Variants in CACNA1I observed in about 807,000 individuals in gnomAD.
CACNA1I encodes the protein calcium voltage-gated channel subunit alpha1 I, also known as voltage-dependent T-type calcium channel subunit alpha-1I.
Under a neutral mutation model 201.6 loss-of-function variants are expected in CACNA1I, and 74 were observed. That is an observed-to-expected ratio of 0.37 (90% CI 0.30 to 0.45). The LOEUF (loss-of-function observed/expected upper bound fraction) is 0.45. Among genes scored for constraint, CACNA1I ranks in the 20% least tolerant of loss-of-function variants. CACNA1I has a pLI of 1.00. For missense variants in CACNA1I, 2,346 were observed against 3,138.1 expected (o/e 0.75, Z 6.03); for synonymous variants, 1,431 against 1,345.2 (o/e 1.06, Z -1.40).
intron 1 of CACNA1I, among the ~76,000 whole-genome samples, chr22:39,596,655 G>A (rs9611202): frequency 0.41 from 61,706 of 151,492 alleles, 13,342 homozygotes; most frequent in Non-Finnish European, 0.48. Context: ...TTTTGTGCTG[G>A]GGAGGGAGGT....
Position 39,649,423 on chromosome 22 carries a change from C to T in CACNA1I, c.1568-78C>T, listed in dbSNP as rs781518446. 8.0e-6 allele frequency: 11 copies of T among 1,370,488 alleles called. No homozygotes were observed. The highest frequency in any genetic ancestry group is 9.7e-6 in the Non-Finnish European group (10 of 1,030,174). 84.9% of individuals were successfully genotyped at this position (1,370,488 alleles called of 1,614,324 possible). A position where few individuals can be genotyped will look rare whatever the true frequency, so the allele number is the denominator to read the frequency against. ...CAGACCTGTGGGCCTGGGAGCCAAG[C>T]GCACTCAGGGATGTGTCCCAGGGTG... On this transcript the variant is annotated intron_variant, in intron 9 of 36. Transcript: ENST00000402142. This position sits in a 1 kb window ranked among gnomAD's most constrained non-coding sequence, Gnocchi z 7.3.
chr22:39,613,783 G>A (rs1885027483), intron 3 of CACNA1I, among the ~76,000 whole-genome samples: 1 of 152,236 alleles, frequency 6.6e-6, no homozygotes, highest in Admixed American at 6.5e-5. Context: ...GGGAGAGGGG[G>A]CAGGTCACAC....
chr22:39,612,427 G>A (rs1054454720), intron 3 of CACNA1I, among the ~76,000 whole-genome samples: 7 of 152,078 alleles, frequency 4.6e-5, no homozygotes, highest in East Asian at 1.9e-4. Context: ...ACCATAAACC[G>A]GGTGCCTCAT....
rs373997359 is a variant in CACNA1I at position 39,591,493 on chromosome 22, G to A, written c.237-6658G>A. ...GGATTCTTTACAAAAGGCTGTGGGC[G>A]AAGATTCAGTATGCTGCAGGACAGA... On this transcript the variant is annotated intron_variant, in intron 1 of 36. Coordinates refer to ENST00000402142, the MANE Select transcript of CACNA1I (RefSeq NM_021096.4). 1.6e-4 allele frequency among the ~76,000 whole-genome samples: 25 copies of A among 152,108 alleles called. 1 individual carries two copies. The highest frequency in any genetic ancestry group is 5.8e-4 in the African/African-American group (24 of 41,484).
In CACNA1I at chr22:39,663,801, C is replaced by T; in HGVS notation, c.3557C>T (p.Thr1186Ile). ...VLAFIFLNCI[T>I]IALERPQIEA... ...GCCTTCATCTTTCTCAACTGCATCA[C>T]CATCGCCCTGGAGCGGCCTCAGATC... is the stretch of plus-strand genomic sequence containing the variant. The change falls in exon 19 of 37, where the codon ACC becomes ATC. Residue 1186 changes from threonine to isoleucine, a missense_variant. Physicochemically the swap from Thr to Ile is moderately conservative, Grantham distance 89 (BLOSUM62 -1). This residue lies in a region of CACNA1I where 158 missense variants were observed against 231.6 expected (regional missense o/e 0.68). Transcript: ENST00000402142. 6.2e-7 allele frequency: 1 copy of T among 1,612,922 alleles called. No homozygotes were observed. Among genetic ancestry groups the T allele is most frequent in the South Asian group, 1.1e-5 (1 of 91,070 alleles).
chr22:39,678,916 T>C (rs1208991999), intron 31 of CACNA1I, among the ~76,000 whole-genome samples, 191 bp from the exon 32 acceptor site: 1 of 152,094 alleles, frequency 6.6e-6, no homozygotes, highest in African/African-American at 2.4e-5. Flanking sequence ...CGTCTGTCCA[T>C]GCGGGGACTT....
At chr22:39,650,952 A>G (rs538066554) in intron 10 of CACNA1I, among the ~76,000 whole-genome samples, 2 of 152,156 alleles carry the variant, frequency 1.3e-5, no homozygotes, top group African/African-American at 4.8e-5. Flanking sequence ...TGGGGTTAGC[A>G]AGGATGCCTC....
At chr22:39,641,823 G>A (rs796562109) in intron 6 of CACNA1I, among the ~76,000 whole-genome samples, 4 of 151,962 alleles carry the variant, frequency 2.6e-5, no homozygotes, top group African/African-American at 9.7e-5. Context: ...CTAGGGCAGT[G>A]GACCTTGGCC....
chr22:39,680,583 A>G (rs1004054342), intron 33 of CACNA1I, among the ~76,000 whole-genome samples: 22 of 152,302 alleles, frequency 1.4e-4, no homozygotes, highest in African/African-American at 5.3e-4. Flanking sequence ...ATGGGGCCAT[A>G]GATGAGTCAA....
intron 6 of CACNA1I, 65 bp downstream of exon 6, chr22:39,641,247 G>A: frequency 1.4e-6 from 2 of 1,416,888 alleles, no homozygotes; most frequent in Non-Finnish European, 2.0e-6. Context: ...GGTGGGCAGG[G>A]CTCTGTGCTA....
intron 3 of CACNA1I, among the ~76,000 whole-genome samples, 156 bp from the exon 4 acceptor site, chr22:39,619,154 G>C (rs1933651671): frequency 6.6e-6 from 1 of 152,186 alleles, no homozygotes. Context: ...CCAACCCCAG[G>C]CCACATGTTG....
chr22:39,608,957 T>G (rs1291044745), intron 3 of CACNA1I, among the ~76,000 whole-genome samples: 1 of 152,226 alleles, frequency 6.6e-6, no homozygotes, highest in Non-Finnish European at 1.5e-5. Context: ...TCCTCAGCTC[T>G]GGGCTAGGGC....
chr22:39,678,006 G>C lies in CACNA1I; in HGVS notation c.4953G>C (p.Pro1651=). 6.3e-7 allele frequency: 1 copy of C among 1,596,576 alleles called. No homozygotes were observed. Among genetic ancestry groups the C allele is most frequent in the Non-Finnish European group, 8.5e-7 (1 of 1,172,008 alleles). Reference sequence around the variant, plus strand: ...TTCCAGTCTGCAACGACGAGAACCCGTGCGAGGGCATGAGCCGGCATGCCA... The same window carrying C: ...TTCCAGTCTGCAACGACGAGAACCCCTGCGAGGGCATGAGCCGGCATGCCA... ...FGKLVCNDEN[P]CEGMSRHATF... The change falls in exon 31 of 37, where the codon CCG becomes CCC. Residue 1651 remains proline, a synonymous_variant. Transcript: ENST00000402142.
Position 39,591,248 on chromosome 22 carries a change from A to G in CACNA1I, c.237-6903A>G, listed in dbSNP as rs1601799675. ...GATCTCAGCTCACTGCAACCTCCTC[A>G]CCTCCCGGGTTCAAGCGATCCTCCT... On this transcript the variant is annotated intron_variant, in intron 1 of 36. Coordinates refer to ENST00000402142, the MANE Select transcript of CACNA1I (RefSeq NM_021096.4). 3.6e-5 allele frequency among the ~76,000 whole-genome samples: 5 copies of G among 139,580 alleles called. No individual in the cohort carries two copies. In the South Asian group the frequency reaches 1.1e-3, roughly 32 times the overall value. The allele number at this position is 139,580 out of a possible 152,430, so 91.6% of individuals were successfully genotyped here. A position where few individuals can be genotyped will look rare whatever the true frequency, so the allele number is the denominator to read the frequency against.
At chr22:39,626,097 C>T (rs962769270) in intron 4 of CACNA1I, among the ~76,000 whole-genome samples, 3 of 152,178 alleles carry the variant, frequency 2.0e-5, no homozygotes, top group African/African-American at 7.2e-5. Flanking sequence ...GCTGCCATCC[C>T]CTCGGCTGCA....
At chr22:39,594,288 G>T (rs755951065) in intron 1 of CACNA1I, among the ~76,000 whole-genome samples, 1 of 152,030 alleles carries the variant, frequency 6.6e-6, no homozygotes, top group Non-Finnish European at 1.5e-5. Flanking sequence ...GCCACTAAGT[G>T]CACTTTGAGC....
At chr22:39,624,979 G>C (rs1933859147) in intron 4 of CACNA1I, among the ~76,000 whole-genome samples, 1 of 148,374 alleles carries the variant, frequency 6.7e-6, no homozygotes, top group Admixed American at 6.8e-5. Context: ...CATGATCTTG[G>C]CTCACTGCAA....
chr22:39,641,730 A>G (rs1340013294), intron 6 of CACNA1I, among the ~76,000 whole-genome samples: 2 of 152,212 alleles, frequency 1.3e-5, no homozygotes, highest in African/African-American at 4.8e-5. Flanking sequence ...ATGGCGTGCA[A>G]AGGGCTTGTT....
At chr22:39,573,268 GGTGCTGT>G (rs1932243449) in intron 1 of CACNA1I, among the ~76,000 whole-genome samples, 1 of 152,144 alleles carries the variant, frequency 6.6e-6, no homozygotes, top group Admixed American at 6.5e-5. Flanking sequence ...CTGTCACTTG[GGTGCTGT>G]GTGACCATGA....
Sources: gnomAD v4.1 joint callset for allele counts (sites outside exome capture counted in the v4.1 genomes callset) on GRCh38, gnomAD v4.1.1 for gene constraint, gnomAD v4.1.1 regional missense constraint, Gnocchi (gnomAD v3.1) non-coding constraint, MANE v1.5 for transcripts, NCBI Gene and HGNC (gene_info 2026-07-23, HGNC 2026-07-21) for gene names.